RUNX1: variants seen among roughly 807,000 people sequenced by gnomAD.
The protein encoded by RUNX1 is RUNX family transcription factor 1, also known as runt-related transcription factor 1.
RUNX1 carries 19 observed loss-of-function variants against 42.8 expected under a neutral mutation model. That is an observed-to-expected ratio of 0.44 (90% CI 0.31 to 0.65). The LOEUF (loss-of-function observed/expected upper bound fraction) is 0.65. Ranked by LOEUF, RUNX1 falls within the 30% of genes least tolerant of loss-of-function variation. The pLI, the probability that RUNX1 is intolerant of heterozygous loss-of-function variation, is 0.07. For synonymous variants in RUNX1, 271 were observed against 289.4 expected (o/e 0.94, Z 0.64); for missense variants, 528 against 672.0 (o/e 0.79, Z 2.37).
At chr21:35,042,042 C>G (rs768155624) in intron 2 of RUNX1, among the ~76,000 whole-genome samples, 2 of 152,178 alleles carry the variant, frequency 1.3e-5, no homozygotes, top group Non-Finnish European at 2.9e-5. Flanking sequence ...ACCGATCAAC[C>G]TCACAGCAAG....
chr21:34,825,126 C>A (rs546764453), intron 7 of RUNX1, among the ~76,000 whole-genome samples: 41 of 152,280 alleles, frequency 2.7e-4, no homozygotes, highest in African/African-American at 9.6e-4. Context: ...GCAATCAAGT[C>A]ACTTTTTTAA....
In RUNX1 at chr21:34,791,918, G is replaced by C. The variant is rs2056440432; in HGVS notation, c.*217C>G. 9.6e-6 allele frequency: 3 copies of C among 311,092 alleles called. No individual in the cohort carries two copies. Among genetic ancestry groups the C allele is most frequent in the East Asian group, 1.0e-4 (2 of 19,422 alleles). 19.3% of individuals were successfully genotyped at this position (311,092 alleles called of 1,614,324 possible). ...CGCCTCGGACACCTCCGCGAGGGCC[G>C]GGGCGCCAGCAGACGGCGGCGGCGT... On this transcript the variant is annotated 3_prime_UTR_variant, in exon 9 of 9. Coordinates refer to ENST00000675419, the MANE Select transcript of RUNX1 (RefSeq NM_001754.5).
intron 2 of RUNX1, among the ~76,000 whole-genome samples, chr21:34,981,159 C>T (rs900828600): frequency 1.8e-4 from 27 of 152,176 alleles, no homozygotes; most frequent in African/African-American, 6.3e-4. Flanking sequence ...CATGAGGAAG[C>T]GGCTTTAATA....
chr21:34,834,344 G>A, intron 7 of RUNX1, 66 bp downstream of exon 7: 2 of 1,524,398 alleles, frequency 1.3e-6, no homozygotes, highest in Non-Finnish European at 1.8e-6. Flanking sequence ...TGTGCACATG[G>A]GGGCCAGTTG....
rs575477565 is a variant in RUNX1, at chr21:35,016,298, A to C, written c.58+32544T>G. 1.7e-4 allele frequency among the ~76,000 whole-genome samples: 26 copies of C among 152,210 alleles called. No homozygotes were observed. The East Asian group carries it at 3.9e-3, about 23-fold the overall frequency. On this transcript the variant is annotated intron_variant, in intron 2 of 8. Coordinates refer to ENST00000675419, the MANE Select transcript of RUNX1 (RefSeq NM_001754.5). ...AAGGTGAAGTGGCTGATCTAGAACA[A>C]AGGTTGCAGGACATACACAGCTTCT... is the stretch of plus-strand genomic sequence containing the variant.
At chr21:35,016,842 A>G (rs1375576177) in intron 2 of RUNX1, among the ~76,000 whole-genome samples, 2 of 151,814 alleles carry the variant, frequency 1.3e-5, no homozygotes, top group African/African-American at 4.8e-5. Flanking sequence ...CTGTTGTATC[A>G]GAATCCGTAG....
At chr21:34,869,807 G>A (rs1195316306) in intron 5 of RUNX1, among the ~76,000 whole-genome samples, 1 of 152,202 alleles carries the variant, frequency 6.6e-6, no homozygotes, top group African/African-American at 2.4e-5. Flanking sequence ...ATGTGATGCT[G>A]CCAGGTGCCA....
intron 8 of RUNX1, among the ~76,000 whole-genome samples, chr21:34,793,069 G>T (rs2056472695): frequency 6.6e-6 from 1 of 151,866 alleles, no homozygotes; most frequent in African/African-American, 2.4e-5. Flanking sequence ...GTTTCTATCA[G>T]AATTTACCGC....
intron 5 of RUNX1, among the ~76,000 whole-genome samples, chr21:34,864,303 A>T (rs2057624118): frequency 6.6e-6 from 1 of 152,256 alleles, no homozygotes; most frequent in African/African-American, 2.4e-5. Flanking sequence ...GGAGCACAAA[A>T]GACTCTCAAG....
At chr21:34,882,050 T>C (rs924578440) in intron 4 of RUNX1, among the ~76,000 whole-genome samples, 5 of 152,248 alleles carry the variant, frequency 3.3e-5, no homozygotes, top group African/African-American at 1.2e-4. Context: ...CAGTAAAGCA[T>C]TCCTTAATCT....
intron 7 of RUNX1, among the ~76,000 whole-genome samples, chr21:34,810,576 G>A (rs902825011): frequency 6.6e-6 from 1 of 152,212 alleles, no homozygotes; most frequent in Non-Finnish European, 1.5e-5. Flanking sequence ...TGCAGTCTGA[G>A]AGGTAAGGAC....
At chr21:34,830,277 TG>T (rs1213053720) in intron 7 of RUNX1, among the ~76,000 whole-genome samples, 1 of 152,158 alleles carries the variant, frequency 6.6e-6, no homozygotes. Context: ...ACAGAGTGGC[TG>T]GTAAGCCTTC....
intron 2 of RUNX1, among the ~76,000 whole-genome samples, chr21:35,024,521 A>G (rs540776988): frequency 1.3e-5 from 2 of 152,266 alleles, no homozygotes; most frequent in South Asian, 4.1e-4. Flanking sequence ...GTAAAAGTAG[A>G]CCTCTGGGCA....
intron 4 of RUNX1, among the ~76,000 whole-genome samples, chr21:34,885,212 G>A (rs575930733): frequency 1.5e-4 from 23 of 152,252 alleles, no homozygotes; most frequent in African/African-American, 5.3e-4. Flanking sequence ...GTGCATTGGG[G>A]CAGCCAGGTT....
intron 2 of RUNX1, among the ~76,000 whole-genome samples, chr21:34,975,696 G>A (rs561793864): frequency 1.3e-5 from 2 of 152,034 alleles, no homozygotes; most frequent in Non-Finnish European, 2.9e-5. Context: ...GGGGAGAGAA[G>A]GCTTCTAGCT....
chr21:35,000,630 C>T (rs1321601305), intron 2 of RUNX1, among the ~76,000 whole-genome samples: 1 of 152,200 alleles, frequency 6.6e-6, no homozygotes, highest in Non-Finnish European at 1.5e-5. Context: ...TCCGGAAGGG[C>T]AGGCAGATAG....
rs529518302 is a variant in RUNX1 at position 34,907,778 on chromosome 21, T to C, written c.59-14815A>G. Among the ~76,000 whole-genome samples the C allele has an allele frequency of 4.4e-4, 67 of 152,346 alleles. No individual in the cohort carries two copies. The highest frequency in any genetic ancestry group is 1.0e-3 in the Admixed American group (16 of 15,304). On this transcript the variant is annotated intron_variant, in intron 2 of 8. Coordinates refer to ENST00000675419, the MANE Select transcript of RUNX1 (RefSeq NM_001754.5). The surrounding 1 kb of genome is among the most constrained non-coding windows in gnomAD (Gnocchi z 5.3). ...ATTATGAAATAAAACAGAGTGAAGC[T>C]GTTTTGAAGGCCATCCTTCTGTGGA... is the stretch of plus-strand genomic sequence containing the variant.
intron 5 of RUNX1, among the ~76,000 whole-genome samples, chr21:34,865,275 TGTGC>T (rs1249174422): frequency 2.3e-5 from 3 of 128,814 alleles, no homozygotes; most frequent in Non-Finnish European, 5.0e-5. Context: ...GGAGGGGTTT[TGTGC>T]GTGTGTGTGT....
intron 2 of RUNX1, among the ~76,000 whole-genome samples, chr21:35,009,308 T>G (rs551562338): frequency 6.6e-6 from 1 of 152,320 alleles, no homozygotes; most frequent in South Asian, 2.1e-4. Context: ...TTTTAAAGAC[T>G]GAAATAAATC....
Sources: gnomAD v4.1 joint callset for allele counts (sites outside exome capture counted in the v4.1 genomes callset) on GRCh38, gnomAD v4.1.1 for gene constraint, Gnocchi (gnomAD v3.1) non-coding constraint, MANE v1.5 for transcripts, NCBI Gene and HGNC (gene_info 2026-07-23, HGNC 2026-07-21) for gene names.